DOCK2: variants seen among roughly 807,000 people sequenced by gnomAD.
The protein encoded by DOCK2 is dedicator of cytokinesis 2.
In DOCK2, 87 loss-of-function variants were observed where a neutral mutation model predicts 248.9. That is an observed-to-expected ratio of 0.35 (90% confidence interval 0.29 to 0.42). The LOEUF (loss-of-function observed/expected upper bound fraction) is 0.42, where lower values mean the gene tolerates loss of function less well. DOCK2 is among the 10% of genes least tolerant of loss of function. The pLI, the probability that DOCK2 is intolerant of heterozygous loss-of-function variation, is 1.00. For synonymous variants in DOCK2, 805 were observed against 821.6 expected (o/e 0.98, Z 0.35); for missense variants, 1,747 against 2,300.2 (o/e 0.76, Z 4.92).
intron 2 of DOCK2, among the ~76,000 whole-genome samples, chr5:169,657,116 C>A (rs150723293): frequency 6.6e-6 from 1 of 152,102 alleles, no homozygotes; most frequent in Admixed American, 6.6e-5. Flanking sequence ...TCTCCTGGTA[C>A]GCAAATCATT....
chr5:169,970,526 G>C (rs2113762812), intron 27 of DOCK2, among the ~76,000 whole-genome samples: 1 of 152,282 alleles, frequency 6.6e-6, no homozygotes, highest in South Asian at 2.1e-4. Flanking sequence ...CATATGACTG[G>C]GTTGTAATGT....
At position 170,032,806 on chromosome 5, in the gene DOCK2, G is replaced by A. The variant is rs200215094; in HGVS notation, c.3468-1593G>A. Among the ~76,000 whole-genome samples, 3 of 152,146 alleles carry A rather than the reference G, an allele frequency of 2.0e-5. No individual in the cohort carries two copies. The East Asian group carries it at 5.8e-4, about 29-fold the overall frequency. On this transcript the variant is annotated intron_variant, in intron 34 of 51. Transcript: ENST00000520908. The stretch of plus-strand genomic sequence containing the variant: ...TTGCAGCTTGGCTTGGCTTCTTGGA[G>A]GAAATGACCCTCAGAAGTCCTTGCT...
At chr5:170,079,300 G>A in intron 49 of DOCK2, 154 bp downstream of exon 49, 1 of 1,087,252 alleles carries the variant, frequency 9.2e-7, no homozygotes, top group Non-Finnish European at 1.3e-6. Context: ...GAGCTGAGAG[G>A]TGAAGTGCTT....
intron 41 of DOCK2, among the ~76,000 whole-genome samples, chr5:170,052,962 C>G (rs907809940): frequency 8.5e-5 from 13 of 152,216 alleles, no homozygotes; most frequent in African/African-American, 2.9e-4. Flanking sequence ...CTTCTCTTGC[C>G]TTCACTTGTT....
At chr5:169,750,169 C>A (rs1355259255) in intron 23 of DOCK2, among the ~76,000 whole-genome samples, 1 of 152,194 alleles carries the variant, frequency 6.6e-6, no homozygotes, top group South Asian at 2.1e-4. Context: ...GTTGAGGTGC[C>A]ATGGAGAGAA....
At chr5:170,001,234 C>A (rs1754821873) in intron 30 of DOCK2, among the ~76,000 whole-genome samples, 1 of 152,198 alleles carries the variant, frequency 6.6e-6, no homozygotes, top group South Asian at 2.1e-4. Flanking sequence ...TGCATTTCAG[C>A]ACCACTGCAT....
rs775657082 is a variant in DOCK2, at chr5:169,700,176, TA to T, written c.1258+38del. The T allele has an allele frequency of 6.2e-6, 10 of 1,602,036 alleles. No homozygotes were observed. The African/African-American group carries it at 1.1e-4, about 17-fold the overall frequency. ...CTGCTCTGACCTTCCCCTGGGGACA[TA>T]GGGGCCAATTCAGCTTGTCTAATTC... is the stretch of plus-strand genomic sequence containing the variant. On this transcript the variant is annotated intron_variant, in intron 13 of 51. Transcript: ENST00000520908.
chr5:169,836,559 A>C (rs1769593722), intron 26 of DOCK2, among the ~76,000 whole-genome samples: 1 of 152,250 alleles, frequency 6.6e-6, no homozygotes, highest in South Asian at 2.1e-4. Flanking sequence ...TGTTCTATTA[A>C]AAATGTCATG....
chr5:169,771,483 G>A (rs780434948), intron 25 of DOCK2, among the ~76,000 whole-genome samples: 16 of 151,934 alleles, frequency 1.1e-4, no homozygotes, highest in East Asian at 1.9e-4. Flanking sequence ...AGGTTTCACC[G>A]TGTTGGTCAG....
intron 20 of DOCK2, among the ~76,000 whole-genome samples, chr5:169,717,077 A>T (rs1056757177): frequency 1.2e-4 from 18 of 152,172 alleles, no homozygotes; most frequent in African/African-American, 4.3e-4. Flanking sequence ...CCTTTTAGAG[A>T]TTCACAATGT....
chr5:170,046,548 G>A (rs189236022), intron 39 of DOCK2, among the ~76,000 whole-genome samples: 3 of 152,304 alleles, frequency 2.0e-5, no homozygotes, highest in East Asian at 1.9e-4. Flanking sequence ...CCAGGCCAGC[G>A]ACTTACAGAG....
chr5:170,045,486 G>C (rs1287991357), intron 38 of DOCK2, among the ~76,000 whole-genome samples: 1 of 152,132 alleles, frequency 6.6e-6, no homozygotes, highest in Non-Finnish European at 1.5e-5. Flanking sequence ...ACAGGTTGCT[G>C]GGCCTCTCTG....
chr5:169,926,039 T>A (rs1775433196), intron 27 of DOCK2, among the ~76,000 whole-genome samples: 2 of 152,214 alleles, frequency 1.3e-5, no homozygotes, highest in African/African-American at 4.8e-5. Context: ...CTCTGGTTAG[T>A]CTCTGAGTCC....
At chr5:169,665,355 T>C (rs559821501) in intron 2 of DOCK2, among the ~76,000 whole-genome samples, 1 of 148,616 alleles carries the variant, frequency 6.7e-6, no homozygotes, top group East Asian at 2.0e-4. Context: ...TATATAAGTA[T>C]CAGCATATTT....
intron 32 of DOCK2, among the ~76,000 whole-genome samples, chr5:170,015,837 C>T (rs1755513899): frequency 6.8e-6 from 1 of 146,468 alleles, no homozygotes; most frequent in South Asian, 2.4e-4. Flanking sequence ...TTCTTTCCCT[C>T]CCTCCCTCCT....
At chr5:169,713,680 T>A (rs1194100581) in intron 17 of DOCK2, among the ~76,000 whole-genome samples, 1 of 152,220 alleles carries the variant, frequency 6.6e-6, no homozygotes, top group Non-Finnish European at 1.5e-5. Context: ...CTCTTTAAGC[T>A]AGAGTCCTTA....
Position 170,050,244 on chromosome 5 carries a change from C to A in DOCK2, c.4072-12C>A. 2 of 1,613,172 alleles carry A rather than the reference C, an allele frequency of 1.2e-6. No individual in the cohort carries two copies. Among genetic ancestry groups the A allele is most frequent in the Non-Finnish European group, 1.7e-6 (2 of 1,179,470 alleles). ...GGTCCCCAAATCTCTAATGAGCATC[C>A]TTTCTCTGCAGAACAAAGTGTTCAT... On this transcript the variant is annotated splice_polypyrimidine_tract_variant and intron_variant, in intron 40 of 51. Coordinates refer to ENST00000520908, the MANE Select transcript of DOCK2 (RefSeq NM_004946.3).
At chr5:169,738,911 C>A (rs982644225) in intron 22 of DOCK2, among the ~76,000 whole-genome samples, 1 of 152,144 alleles carries the variant, frequency 6.6e-6, no homozygotes, top group Non-Finnish European at 1.5e-5. Context: ...CTGCGGGCAG[C>A]CTGGTGGGCC....
intron 40 of DOCK2, among the ~76,000 whole-genome samples, chr5:170,048,759 T>C (rs1452634720): frequency 2.0e-5 from 3 of 152,166 alleles, no homozygotes; most frequent in African/African-American, 7.2e-5. Flanking sequence ...TGGAGCACAG[T>C]TTCTGAACCA....
Sources: allele counts gnomAD v4.1 joint callset (sites outside exome capture counted in the v4.1 genomes callset), GRCh38; gene constraint gnomAD v4.1.1; transcripts MANE v1.5; gene names NCBI Gene and HGNC (gene_info 2026-07-23, HGNC 2026-07-21).